Variants in BBS9 observed in about 807,000 individuals in gnomAD.
The protein encoded by BBS9 is Bardet-Biedl syndrome 9.
In BBS9, 89 loss-of-function variants were observed where a neutral mutation model predicts 117.7. The ratio of observed to expected loss-of-function variants is 0.76; its 90% CI spans 0.64 to 0.90. The LOEUF (loss-of-function observed/expected upper bound fraction) is 0.90, where lower values mean the gene tolerates loss of function less well. BBS9 is among the 40% of genes least tolerant of loss of function. The pLI is 0.00. For synonymous variants in BBS9, 379 were observed against 370.9 expected (o/e 1.02, Z -0.25); for missense variants, 982 against 1,042.2 (o/e 0.94, Z 0.80).
intron 5 of BBS9, among the ~76,000 whole-genome samples, chr7:33,248,863 G>GT (rs1312455659): frequency 2.0e-5 from 3 of 152,010 alleles, no homozygotes; most frequent in Admixed American, 1.3e-4. Flanking sequence ...CTATACAGCT[G>GT]TTTTTTGTGT....
intron 19 of BBS9, among the ~76,000 whole-genome samples, chr7:33,408,282 C>A (rs1830446846): frequency 6.6e-6 from 1 of 152,174 alleles, no homozygotes; most frequent in Non-Finnish European, 1.5e-5. Flanking sequence ...TTTCCTAAGC[C>A]CGTCGGAAAA....
At chr7:33,374,901 C>CAA (rs954530141) in intron 17 of BBS9, among the ~76,000 whole-genome samples, 9,122 of 63,838 alleles carry the variant, frequency 0.14, 573 homozygotes, top group Non-Finnish European at 0.22. Flanking sequence ...AACTCCGTCT[C>CAA]AAAAAAAAAA....
chr7:33,411,167 T>C (rs187393994), intron 19 of BBS9, among the ~76,000 whole-genome samples: 3 of 152,224 alleles, frequency 2.0e-5, no homozygotes, highest in Admixed American at 2.0e-4. Flanking sequence ...CTAATGTTAA[T>C]TGGAATGTTG....
chr7:33,569,093 A>G (rs1857359409), intron 21 of BBS9, among the ~76,000 whole-genome samples: 2 of 152,140 alleles, frequency 1.3e-5, no homozygotes, highest in South Asian at 4.1e-4. Context: ...CAAAAATATA[A>G]CAGATGAGCC....
intron 20 of BBS9, among the ~76,000 whole-genome samples, chr7:33,529,263 A>G (rs1278950199): frequency 1.3e-5 from 2 of 152,204 alleles, no homozygotes; most frequent in Non-Finnish European, 2.9e-5. Flanking sequence ...TGGGGGATGC[A>G]TACAGCAGGC....
chr7:33,232,684 C>T (rs974109640), intron 5 of BBS9, among the ~76,000 whole-genome samples: 1 of 152,058 alleles, frequency 6.6e-6, no homozygotes, highest in Non-Finnish European at 1.5e-5. Flanking sequence ...ATACTAACTT[C>T]CTCATATGTG....
chr7:33,133,070 G>C (rs930213531), intron 1 of BBS9, among the ~76,000 whole-genome samples: 1 of 152,056 alleles, frequency 6.6e-6, no homozygotes, highest in Non-Finnish European at 1.5e-5. Context: ...GATTACAGGT[G>C]TGTGCCACCA....
chr7:33,218,066 C>T (rs566795400), intron 5 of BBS9, among the ~76,000 whole-genome samples: 1 of 149,438 alleles, frequency 6.7e-6, no homozygotes, highest in East Asian at 2.0e-4. Context: ...TAGAGCCAAC[C>T]TCCCTAAAAA....
intron 6 of BBS9, among the ~76,000 whole-genome samples, chr7:33,260,178 T>G (rs779306743): frequency 3.9e-5 from 6 of 151,984 alleles, no homozygotes; most frequent in African/African-American, 7.3e-5. Context: ...TACTTTTGTA[T>G]TTTAGTAGAG....
At chr7:33,379,426 A>C (rs184989690) in intron 17 of BBS9, among the ~76,000 whole-genome samples, 1 of 152,242 alleles carries the variant, frequency 6.6e-6, no homozygotes, top group Non-Finnish European at 1.5e-5. Context: ...ATATATAAAG[A>C]ATTTTATTCT....
rs550258828 is a variant in BBS9, at chr7:33,433,460, T to C, written c.2115+45316T>C. On this transcript the variant is annotated intron_variant, in intron 19 of 22. Coordinates refer to ENST00000242067, the MANE Select transcript of BBS9 (RefSeq NM_198428.3). ...AGAGATATCAGATAGATTTCTAGAC[T>C]GTACTTGCATTTGAAAGTTCTTCCT... is the stretch of plus-strand genomic sequence containing the variant. Among the ~76,000 whole-genome samples, 7 of 152,358 alleles carry C rather than the reference T, an allele frequency of 4.6e-5. No individual in the cohort carries two copies. In the East Asian group the frequency reaches 5.8e-4, roughly 13 times the overall value.
chr7:33,178,666 T>A (rs1381447040), intron 5 of BBS9, among the ~76,000 whole-genome samples: 2 of 152,210 alleles, frequency 1.3e-5, no homozygotes, highest in East Asian at 3.8e-4. Flanking sequence ...ATCTTAGCTC[T>A]TCCTGGACTC....
chr7:33,482,791 G>T (rs992125971), intron 19 of BBS9, among the ~76,000 whole-genome samples: 5 of 152,140 alleles, frequency 3.3e-5, no homozygotes, highest in African/African-American at 4.8e-5. Flanking sequence ...CAGAGGAAAG[G>T]TCCTCCTGTT....
At position 33,303,661 on chromosome 7, in the gene BBS9, G is replaced by A. The variant is rs562600325; in HGVS notation, c.1016+29705G>A. 5.6e-4 allele frequency among the ~76,000 whole-genome samples: 85 copies of A among 151,916 alleles called. 1 individual carries two copies. The highest frequency in any genetic ancestry group is 5.2e-4 in the Non-Finnish European group (35 of 67,926). On this transcript the variant is annotated intron_variant, in intron 9 of 22. Coordinates refer to ENST00000242067, the MANE Select transcript of BBS9 (RefSeq NM_198428.3). ...GTGTCTGGGATTGCAGGCATGTGCC[G>A]CCACGCCTGACTGGTTTTTGTATTT...
chr7:33,593,368 A>C (rs530643216), intron 21 of BBS9, among the ~76,000 whole-genome samples: 136 of 152,180 alleles, frequency 8.9e-4, no homozygotes, highest in African/African-American at 3.3e-3. Flanking sequence ...AAACCCTGTG[A>C]TTGAAGACTT....
At chr7:33,164,514 C>T (rs1355392171) in intron 4 of BBS9, among the ~76,000 whole-genome samples, 3 of 152,146 alleles carry the variant, frequency 2.0e-5, no homozygotes, top group Admixed American at 1.3e-4. Context: ...CTGGGTGCTC[C>T]AGTATTGGGT....
intron 5 of BBS9, among the ~76,000 whole-genome samples, chr7:33,202,652 G>A (rs943116318): frequency 1.3e-5 from 2 of 151,996 alleles, no homozygotes; most frequent in African/African-American, 4.8e-5. Flanking sequence ...GAAGGGAGAG[G>A]TGCTGTACAC....
intron 21 of BBS9, among the ~76,000 whole-genome samples, chr7:33,575,402 G>T (rs2700688): frequency 0.36 from 54,333 of 151,934 alleles, 14,098 homozygotes; most frequent in African/African-American, 0.73. Flanking sequence ...GCTCTGAAAT[G>T]GAGGCAATAA....
intron 9 of BBS9, among the ~76,000 whole-genome samples, chr7:33,310,280 C>T (rs1295210123): frequency 1.3e-5 from 2 of 152,094 alleles, no homozygotes; most frequent in Admixed American, 1.3e-4. Context: ...ATTATTTTTT[C>T]TATCTTTGTC....
Sources: gnomAD v4.1 joint callset for allele counts (sites outside exome capture counted in the v4.1 genomes callset) on GRCh38, gnomAD v4.1.1 for gene constraint, MANE v1.5 for transcripts, NCBI Gene and HGNC (gene_info 2026-07-23, HGNC 2026-07-21) for gene names.